INPP4B: variants seen among roughly 807,000 people sequenced by gnomAD.
The protein encoded by INPP4B is inositol polyphosphate 4-phosphatase type II.
Under a neutral mutation model 122.5 loss-of-function variants are expected in INPP4B, and 55 were observed. That is an observed-to-expected ratio of 0.45 (90% CI 0.36 to 0.56). The LOEUF is 0.56. Ranked by LOEUF, INPP4B falls within the 20% of genes least tolerant of loss-of-function variation. INPP4B has a pLI of 0.00. For synonymous variants in INPP4B, 403 were observed against 388.7 expected (o/e 1.04, Z -0.43); for missense variants, 1,000 against 1,097.7 (o/e 0.91, Z 1.26).
At chr4:142,535,915 T>C (rs936187232) in intron 2 of INPP4B, among the ~76,000 whole-genome samples, 2 of 152,190 alleles carry the variant, frequency 1.3e-5, no homozygotes, top group Non-Finnish European at 2.9e-5. Flanking sequence ...CAACTGGATG[T>C]CCCATCCTTT....
At chr4:142,442,757 T>C (rs1295913873) in intron 3 of INPP4B, among the ~76,000 whole-genome samples, 1 of 152,188 alleles carries the variant, frequency 6.6e-6, no homozygotes, top group Non-Finnish European at 1.5e-5. Flanking sequence ...TAGGAAGATA[T>C]GTCAGGCACT....
chr4:142,075,196 A>ACTTT (rs1473786391), intron 25 of INPP4B, among the ~76,000 whole-genome samples: 2 of 152,038 alleles, frequency 1.3e-5, no homozygotes, highest in Non-Finnish European at 2.9e-5. Context: ...TATACAAAAG[A>ACTTT]TGTTCACTTT....
intron 12 of INPP4B, among the ~76,000 whole-genome samples, chr4:142,237,117 G>A (rs6835967): frequency 0.14 from 21,232 of 152,064 alleles, 1,808 homozygotes; most frequent in African/African-American, 0.24. Flanking sequence ...ATTTAATTTT[G>A]TTGTACAATA....
intron 7 of INPP4B, among the ~76,000 whole-genome samples, chr4:142,362,405 A>G (rs571372835): frequency 6.6e-6 from 1 of 152,138 alleles, no homozygotes; most frequent in East Asian, 1.9e-4. Context: ...AGAGAAAGAG[A>G]GAAAAGGAAA....
intron 2 of INPP4B, among the ~76,000 whole-genome samples, chr4:142,564,429 T>C (rs1200290687): frequency 1.1e-5 from 1 of 89,370 alleles, no homozygotes; most frequent in Non-Finnish European, 2.1e-5. Context: ...TGTAGTGTCT[T>C]AAGGAATGGC....
At chr4:142,770,381 A>G (rs1035483106) in intron 1 of INPP4B, among the ~76,000 whole-genome samples, 3 of 152,164 alleles carry the variant, frequency 2.0e-5, no homozygotes, top group African/African-American at 7.2e-5. Flanking sequence ...AATTTGTGAG[A>G]AGACCTAAGC....
At chr4:142,593,400 C>T (rs896733326) in intron 2 of INPP4B, among the ~76,000 whole-genome samples, 3 of 152,040 alleles carry the variant, frequency 2.0e-5, no homozygotes, top group Non-Finnish European at 2.9e-5. Context: ...ACCACTTGAC[C>T]TTTTTCTTTC....
At chr4:142,536,387 C>T (rs1314963275) in intron 2 of INPP4B, among the ~76,000 whole-genome samples, 5 of 151,958 alleles carry the variant, frequency 3.3e-5, no homozygotes, top group African/African-American at 7.3e-5. Flanking sequence ...AAATTGAAAC[C>T]GAAACATTTC....
chr4:142,590,900 A>C lies in INPP4B; in HGVS notation c.-190-128174T>G, dbSNP rs1045919553. Reference sequence around the variant, plus strand: ...ATTCTCCAAAAAAAAAAAAAAAAAAACAAAAGAACTAGGGATACTTAGAGA... The same window carrying C: ...ATTCTCCAAAAAAAAAAAAAAAAAACCAAAAGAACTAGGGATACTTAGAGA... On this transcript the variant is annotated intron_variant, in intron 2 of 25. Transcript: ENST00000262992. Among the ~76,000 whole-genome samples the C allele has an allele frequency of 2.2e-5, 3 of 137,658 alleles. No individual in the cohort carries two copies. In the East Asian group the frequency reaches 6.5e-4, roughly 30 times the overall value. 90.3% of individuals were successfully genotyped at this position (137,658 alleles called of 152,430 possible). A position where few individuals can be genotyped will look rare whatever the true frequency, so the allele number is the denominator to read the frequency against.
intron 1 of INPP4B, among the ~76,000 whole-genome samples, chr4:142,805,393 T>C (rs1248148964): frequency 1.3e-5 from 2 of 152,200 alleles, no homozygotes; most frequent in East Asian, 3.8e-4. Flanking sequence ...GAACTATTTG[T>C]AGATAAGAGG....
intron 7 of INPP4B, among the ~76,000 whole-genome samples, chr4:142,367,787 C>T (rs539705696): frequency 6.6e-6 from 1 of 152,162 alleles, no homozygotes; most frequent in Non-Finnish European, 1.5e-5. Flanking sequence ...AGATCTACCT[C>T]TGCTATGCAA....
intron 12 of INPP4B, among the ~76,000 whole-genome samples, chr4:142,226,008 T>C (rs1851387372): frequency 6.6e-6 from 1 of 152,210 alleles, no homozygotes; most frequent in Admixed American, 6.6e-5. Flanking sequence ...CATCATTTTA[T>C]CTAGTAACTA....
At chr4:142,042,520 A>G (rs4956430) in intron 25 of INPP4B, among the ~76,000 whole-genome samples, 7,469 of 37,262 alleles carry the variant, frequency 0.2, 284 homozygotes, top group East Asian at 0.45. Context: ...GTGTGTGTGT[A>G]TGTATGTATG....
rs947511362 is a variant in INPP4B at position 142,028,457 on chromosome 4, G to A, written c.*325C>T. 2 of 313,452 alleles carry A rather than the reference G, an allele frequency of 6.4e-6. No individual in the cohort carries two copies. Among genetic ancestry groups the A allele is most frequent in the African/African-American group, 4.2e-5 (2 of 47,366 alleles). 19.4% of individuals were successfully genotyped at this position (313,452 alleles called of 1,614,324 possible). On this transcript the variant is annotated 3_prime_UTR_variant, in exon 26 of 26. Transcript: ENST00000262992. ...TCTGTGAATCACCCCTAGTCCTATTGAAATGATCCATGTTTCCTCAGAAAC... is the reference window on the plus strand; with the variant it reads ...TCTGTGAATCACCCCTAGTCCTATTAAAATGATCCATGTTTCCTCAGAAAC...
intron 22 of INPP4B, among the ~76,000 whole-genome samples, chr4:142,108,978 T>C (rs1305293006): frequency 6.6e-6 from 1 of 152,138 alleles, no homozygotes; most frequent in Non-Finnish European, 1.5e-5. Flanking sequence ...AAATATAACA[T>C]AACCCAAAAC....
At chr4:142,446,386 T>A (rs1261925555) in intron 3 of INPP4B, among the ~76,000 whole-genome samples, 1 of 152,130 alleles carries the variant, frequency 6.6e-6, no homozygotes, top group Non-Finnish European at 1.5e-5. Flanking sequence ...GTAAATATTT[T>A]AGTTTCAAAA....
intron 7 of INPP4B, among the ~76,000 whole-genome samples, chr4:142,324,993 C>CA (rs1771783440): frequency 6.6e-6 from 1 of 152,230 alleles, no homozygotes; most frequent in South Asian, 2.1e-4. Context: ...AGTCCACTCT[C>CA]AGAGTCAGCA....
intron 1 of INPP4B, among the ~76,000 whole-genome samples, chr4:142,736,599 T>C (rs577178248): frequency 6.6e-6 from 1 of 152,284 alleles, no homozygotes; most frequent in East Asian, 1.9e-4. Context: ...GCTCTCTGTT[T>C]GTCTGTTATT....
chr4:142,354,078 T>C (rs1363939614), intron 7 of INPP4B, among the ~76,000 whole-genome samples: 1 of 151,962 alleles, frequency 6.6e-6, no homozygotes, highest in Non-Finnish European at 1.5e-5. Context: ...CACATAAAAA[T>C]TCAAGTCAAA....
Sources: allele counts gnomAD v4.1 joint callset (sites outside exome capture counted in the v4.1 genomes callset), GRCh38; gene constraint gnomAD v4.1.1; transcripts MANE v1.5; gene names NCBI Gene and HGNC (gene_info 2026-07-23, HGNC 2026-07-21).